ANKRD16: variants seen among roughly 807,000 people sequenced by gnomAD.
ANKRD16 encodes ankyrin repeat domain-containing protein 16.
In ANKRD16, 35 loss-of-function variants were observed where a neutral mutation model predicts 37.9. The observed-to-expected ratio is 0.92, with a 90% CI of 0.71 to 1.23. The LOEUF (loss-of-function observed/expected upper bound fraction) is 1.23. Ranked by LOEUF, ANKRD16 falls within the 50% of genes most tolerant of loss-of-function variation. The probability of loss-of-function intolerance (pLI) is 0.00; values close to 1 mark genes in which losing one functional copy is unlikely to be tolerated. For synonymous variants in ANKRD16, 206 were observed against 197.2 expected (o/e 1.04, Z -0.37); for missense variants, 480 against 469.9 (o/e 1.02, Z -0.20).
intron 7 of ANKRD16, among the ~76,000 whole-genome samples, chr10:5,877,111 CTTTTTTTCTT>C (rs1432082068): frequency 1.5e-4 from 2 of 12,968 alleles, no homozygotes; most frequent in South Asian, 7.4e-3. Context: ...GTTACATTTT[CTTTTTTTCTT>C]TTTTTTTTTG....
In ANKRD16 at chr10:5,887,947, ACTGG is replaced by A; in HGVS notation, c.431_434del (p.Ala144ValfsTer7). ...GGAGGATCAGAGGGTCGCCTTCTCG[ACTGG>A]CAATGTGGAAACTGTTCCAGCCATC... On this transcript the variant is annotated frameshift_variant, in exon 2 of 8. Transcript: ENST00000380094. LOFTEE classifies it high-confidence loss of function. 6.2e-7 allele frequency: 1 copy of A among 1,614,194 alleles called. No homozygotes were observed. The highest frequency in any genetic ancestry group is 8.5e-7 in the Non-Finnish European group (1 of 1,180,018).
rs1424549126 is a variant in ANKRD16, at chr10:5,863,287, A to G, written c.*34-596T>C. Among the ~76,000 whole-genome samples the G allele has an allele frequency of 6.6e-6, 1 of 151,976 alleles. No homozygotes were observed. The highest frequency in any genetic ancestry group is 1.5e-5 in the Non-Finnish European group (1 of 68,018). ...CAGCACTGGGCCTGAGGTGAATGTT[A>G]CTGTGCTGTACGCTCACAAAGTTAG... On this transcript the variant is annotated intron_variant, in intron 7 of 7. Coordinates refer to ENST00000380094, the MANE Select transcript of ANKRD16 (RefSeq NM_019046.3). This position sits in a 1 kb window ranked among gnomAD's most constrained non-coding sequence, Gnocchi z 4.7.
chr10:5,875,710 GTTCT>G (rs963865323), intron 7 of ANKRD16, among the ~76,000 whole-genome samples: 4 of 112,774 alleles, frequency 3.5e-5, no homozygotes, highest in African/African-American at 1.0e-4. Context: ...TGCAATTAAT[GTTCT>G]TTTTTTTTTT....
Position 5,865,221 on chromosome 10 carries a change from C to A in ANKRD16, c.*34-2530G>T, listed in dbSNP as rs1451067040. Among the ~76,000 whole-genome samples, 1 of 152,170 alleles carries A rather than the reference C, an allele frequency of 6.6e-6. No individual in the cohort carries two copies. The highest frequency in any genetic ancestry group is 2.4e-5 in the African/African-American group (1 of 41,440). On this transcript the variant is annotated intron_variant, in intron 7 of 7. Coordinates refer to ENST00000380094, the MANE Select transcript of ANKRD16 (RefSeq NM_019046.3). This position sits in a 1 kb window ranked among gnomAD's most constrained non-coding sequence, Gnocchi z 4.7. ...TTGTTACCAGTGTGGTTTGCAAGGA[C>A]ACCTTAAAAAAGACTGTCCAACAAG...
chr10:5,886,890 A>G (rs907831576), intron 2 of ANKRD16, among the ~76,000 whole-genome samples: 1 of 152,224 alleles, frequency 6.6e-6, no homozygotes, highest in East Asian at 1.9e-4. Flanking sequence ...CCAAATAATA[A>G]AAACTGTAAC....
chr10:5,874,385 G>A lies in ANKRD16; in HGVS notation c.*33+3712C>T, dbSNP rs1359654478. 6.6e-6 allele frequency among the ~76,000 whole-genome samples: 1 copy of A among 152,206 alleles called. No individual in the cohort carries two copies. The highest frequency in any genetic ancestry group is 1.5e-5 in the Non-Finnish European group (1 of 68,034). ...TGCCCTTGGTCACATTAGTGAGAACGCCCTGGCAGCCATGTGGAGGGTGGA... is the reference window on the plus strand; with the variant it reads ...TGCCCTTGGTCACATTAGTGAGAACACCCTGGCAGCCATGTGGAGGGTGGA... On this transcript the variant is annotated intron_variant, in intron 7 of 7. Coordinates refer to ENST00000380094, the MANE Select transcript of ANKRD16 (RefSeq NM_019046.3). The surrounding 1 kb of genome is among the most constrained non-coding windows in gnomAD (Gnocchi z 4.7).
rs1841968395 is a variant in ANKRD16, at chr10:5,863,429, C to T, written c.*34-738G>A. Among the ~76,000 whole-genome samples, 1 of 152,052 alleles carries T rather than the reference C, an allele frequency of 6.6e-6. No homozygotes were observed. The highest frequency in any genetic ancestry group is 6.5e-5 in the Admixed American group (1 of 15,276). On this transcript the variant is annotated intron_variant, in intron 7 of 7. Coordinates refer to ENST00000380094, the MANE Select transcript of ANKRD16 (RefSeq NM_019046.3). The surrounding 1 kb of genome is among the most constrained non-coding windows in gnomAD (Gnocchi z 4.7). ...GCTAAAGGATTGTAAATGCACCAATCAGCACTCTGTAAAAATGTACCAATC... is the reference window on the plus strand; with the variant it reads ...GCTAAAGGATTGTAAATGCACCAATTAGCACTCTGTAAAAATGTACCAATC...
chr10:5,878,374 A>G lies in ANKRD16; in HGVS notation c.929-87T>C. 8.3e-7 allele frequency: 1 copy of G among 1,207,900 alleles called. No individual in the cohort carries two copies. Among genetic ancestry groups the G allele is most frequent in the Non-Finnish European group, 1.1e-6 (1 of 875,456 alleles). The allele number at this position is 1,207,900 out of a possible 1,614,324, so 74.8% of individuals were successfully genotyped here. A position where few individuals can be genotyped will look rare whatever the true frequency, so the allele number is the denominator to read the frequency against. On this transcript the variant is annotated intron_variant, in intron 6 of 7. Transcript: ENST00000380094. The surrounding 1 kb of genome is among the most constrained non-coding windows in gnomAD (Gnocchi z 5.1). ...TGAGTTGATAGTGCCCAATAAAAAT[A>G]TCAATTCTTTCAATATCTTCCGTAA... is the stretch of plus-strand genomic sequence containing the variant.
chr10:5,862,725 C>T lies in ANKRD16; in HGVS notation c.*34-34G>A. ...AAAGAGTTATTATCATCTCAGTTTA[C>T]AGATGAAACAGAAGCTCAGAGAGGG... is the stretch of plus-strand genomic sequence containing the variant. On this transcript the variant is annotated intron_variant, in intron 7 of 7. Coordinates refer to ENST00000380094, the MANE Select transcript of ANKRD16 (RefSeq NM_019046.3). This position sits in a 1 kb window ranked among gnomAD's most constrained non-coding sequence, Gnocchi z 6.5. 1 of 1,267,950 alleles carries T rather than the reference C, an allele frequency of 7.9e-7. No homozygotes were observed. The highest frequency in any genetic ancestry group is 2.3e-5 in the Admixed American group (1 of 43,522). The allele number at this position is 1,267,950 out of a possible 1,614,324, so 78.5% of individuals were successfully genotyped here. A position where few individuals can be genotyped will look rare whatever the true frequency, so the allele number is the denominator to read the frequency against.
Position 5,869,202 on chromosome 10 carries a change from C to T in ANKRD16, c.*34-6511G>A, listed in dbSNP as rs146010028. Among the ~76,000 whole-genome samples, 934 of 152,072 alleles carry T rather than the reference C, an allele frequency of 6.1e-3. 7 individuals are homozygous for T. The highest frequency in any genetic ancestry group is 0.021 in the African/African-American group (854 of 41,462). Reference sequence around the variant, plus strand: ...AGATTAGATACCCTGCTTTTGGAGGCGAGGGATGTGTTTATTGCCTTGGCC... The same window carrying T: ...AGATTAGATACCCTGCTTTTGGAGGTGAGGGATGTGTTTATTGCCTTGGCC... On this transcript the variant is annotated intron_variant, in intron 7 of 7. Transcript: ENST00000380094. This position sits in a 1 kb window ranked among gnomAD's most constrained non-coding sequence, Gnocchi z 4.0.
At position 5,874,978 on chromosome 10, in the gene ANKRD16, A is replaced by G. The variant is rs900711199; in HGVS notation, c.*33+3119T>C. Reference sequence around the variant, plus strand: ...CATGTGGCAACAGTCCAGAAGGGGTAGTGATCAGTAAGTGAACTGAAAGGG... The same window carrying G: ...CATGTGGCAACAGTCCAGAAGGGGTGGTGATCAGTAAGTGAACTGAAAGGG... On this transcript the variant is annotated intron_variant, in intron 7 of 7. Transcript: ENST00000380094. The surrounding 1 kb of genome is among the most constrained non-coding windows in gnomAD (Gnocchi z 4.7). Among the ~76,000 whole-genome samples the G allele has an allele frequency of 6.6e-6, 1 of 152,194 alleles. No individual in the cohort carries two copies. Among genetic ancestry groups the G allele is most frequent in the Admixed American group, 6.5e-5 (1 of 15,276 alleles).
At chr10:5,882,744 C>T in intron 5 of ANKRD16, 2 of 293,124 alleles carry the variant, frequency 6.8e-6, no homozygotes, top group Non-Finnish European at 1.3e-5. Context: ...AACGTTATTC[C>T]TGAAAACAAA....
At position 5,863,043 on chromosome 10, in the gene ANKRD16, G is replaced by C. The variant is rs996072073; in HGVS notation, c.*34-352C>G. Among the ~76,000 whole-genome samples, 38 of 152,266 alleles carry C rather than the reference G, an allele frequency of 2.5e-4. No homozygotes were observed. Among genetic ancestry groups the C allele is most frequent in the Non-Finnish European group, 5.1e-4 (35 of 68,024 alleles). On this transcript the variant is annotated intron_variant, in intron 7 of 7. Transcript: ENST00000380094. This position sits in a 1 kb window ranked among gnomAD's most constrained non-coding sequence, Gnocchi z 4.7. ...GCTGACTGTGGTGGAGAAAACTGCA[G>C]GACAGGGACCCTCAGCTGCTGCTAT...
In ANKRD16 at chr10:5,878,235, C is replaced by T. The variant is rs771543132; in HGVS notation, c.981G>A (p.Leu327=). Reference sequence around the variant, plus strand: ...CTTCAGAATCCTTCAGTCCCGACTGCAGGAGAAACTTGGCACAGGCCAAGT... The same window carrying T: ...CTTCAGAATCCTTCAGTCCCGACTGTAGGAGAAACTTGGCACAGGCCAAGT... The part of the protein sequence containing the change: ...GQHLACAKFL[L]QSGLKDSEDI... The change falls in exon 7 of 8, where the codon CTG becomes CTA. Residue 327 remains leucine, a synonymous_variant. Transcript: ENST00000380094. This position sits in a 1 kb window ranked among gnomAD's most constrained non-coding sequence, Gnocchi z 5.1. The T allele has an allele frequency of 7.4e-6, 12 of 1,614,034 alleles. No individual in the cohort carries two copies. The highest frequency in any genetic ancestry group is 1.7e-5 in the Admixed American group (1 of 60,004).
chr10:5,875,892 GTT>G (rs1842177683), intron 7 of ANKRD16, among the ~76,000 whole-genome samples: 1 of 142,868 alleles, frequency 7.0e-6, no homozygotes, highest in Non-Finnish European at 1.5e-5. Flanking sequence ...TTTTTGTTTT[GTT>G]TTGTTTTGAG....
In ANKRD16 at chr10:5,864,576, G is replaced by A. The variant is rs1264313319; in HGVS notation, c.*34-1885C>T. Among the ~76,000 whole-genome samples, 1 of 152,170 alleles carries A rather than the reference G, an allele frequency of 6.6e-6. No individual in the cohort carries two copies. The highest frequency in any genetic ancestry group is 1.9e-4 in the East Asian group (1 of 5,200). On this transcript the variant is annotated intron_variant, in intron 7 of 7. Transcript: ENST00000380094. The surrounding 1 kb of genome is among the most constrained non-coding windows in gnomAD (Gnocchi z 4.4). ...GCTAGATCACACCCTGGCCTTTAAT[G>A]AAAAGAATGCGGCTTTAGCTGCAGC...
At position 5,863,589 on chromosome 10, in the gene ANKRD16, C is replaced by T. The variant is rs1216734845; in HGVS notation, c.*34-898G>A. Among the ~76,000 whole-genome samples the T allele has an allele frequency of 1.3e-5, 2 of 152,018 alleles. No homozygotes were observed. Among genetic ancestry groups the T allele is most frequent in the African/African-American group, 4.8e-5 (2 of 41,352 alleles). On this transcript the variant is annotated intron_variant, in intron 7 of 7. Transcript: ENST00000380094. This position sits in a 1 kb window ranked among gnomAD's most constrained non-coding sequence, Gnocchi z 4.7. Reference sequence around the variant, plus strand: ...AAATAAGAGAATAAAAGCTGGCCACCCCCTGCCAGCAGCAGCAACCCACTT... The same window carrying T: ...AAATAAGAGAATAAAAGCTGGCCACTCCCTGCCAGCAGCAGCAACCCACTT...
In ANKRD16 at chr10:5,866,922, G is replaced by T. The variant is rs1336387191; in HGVS notation, c.*34-4231C>A. Among the ~76,000 whole-genome samples the T allele has an allele frequency of 3.3e-5, 5 of 151,898 alleles. No individual in the cohort carries two copies. The highest frequency in any genetic ancestry group is 1.2e-4 in the African/African-American group (5 of 41,314). ...AAGAAGAGTCAGAGAGAGAGAAACA[G>T]AAAGTCAAAGAAAGAGAGGGAGAGA... On this transcript the variant is annotated intron_variant, in intron 7 of 7. Coordinates refer to ENST00000380094, the MANE Select transcript of ANKRD16 (RefSeq NM_019046.3). This position sits in a 1 kb window ranked among gnomAD's most constrained non-coding sequence, Gnocchi z 4.3.
chr10:5,873,334 TG>T, intron 7 of ANKRD16, among the ~76,000 whole-genome samples: 1 of 150,674 alleles, frequency 6.6e-6, no homozygotes, highest in Admixed American at 6.6e-5. Context: ...CCAGCACGCC[TG>T]GACAATTTTT....
Sources: allele counts gnomAD v4.1 joint callset (sites outside exome capture counted in the v4.1 genomes callset), GRCh38; gene constraint gnomAD v4.1.1; non-coding constraint Gnocchi (gnomAD v3.1); transcripts MANE v1.5; gene names NCBI Gene and HGNC (gene_info 2026-07-23, HGNC 2026-07-21).